Variants in ARFIP1 observed in about 807,000 individuals in gnomAD.
ARFIP1 encodes ARF interacting protein 1, also known as arfaptin-1.
ARFIP1 carries 24 observed loss-of-function variants against 42.5 expected under a neutral mutation model. The ratio of observed to expected loss-of-function variants is 0.57; its 90% CI spans 0.41 to 0.80. The LOEUF (loss-of-function observed/expected upper bound fraction) is 0.80. Among genes scored for constraint, ARFIP1 ranks in the 30% least tolerant of loss-of-function variants. ARFIP1 has a pLI of 0.00. For synonymous variants in ARFIP1, 141 were observed against 153.7 expected (o/e 0.92, Z 0.61); for missense variants, 354 against 434.0 (o/e 0.82, Z 1.64).
At position 152,866,135 on chromosome 4, in the gene ARFIP1, AT is replaced by A. The variant is rs780507391; in HGVS notation, c.202+2424del. Among the ~76,000 whole-genome samples the A allele has an allele frequency of 1.1e-3, 174 of 152,208 alleles. 1 individual carries two copies. The highest frequency in any genetic ancestry group is 1.8e-3 in the Non-Finnish European group (121 of 68,004). ...GCACATCTTGCACCGCCCTTAATCC[AT>A]TTAACCCTGAGTGGACACAGCACAT... is the stretch of plus-strand genomic sequence containing the variant. On this transcript the variant is annotated intron_variant, in intron 3 of 8. Transcript: ENST00000353617.
At chr4:152,810,235 G>T (rs1334888578) in intron 1 of ARFIP1, 1 of 152,186 alleles carries the variant, frequency 6.6e-6, no homozygotes, top group Non-Finnish European at 1.5e-5. Flanking sequence ...AAATAATTCA[G>T]TGGTGGCTAA....
At chr4:152,889,717 AAT>A (rs1229321099) in intron 8 of ARFIP1, among the ~76,000 whole-genome samples, 2 of 124,412 alleles carry the variant, frequency 1.6e-5, no homozygotes, top group Non-Finnish European at 3.2e-5. Flanking sequence ...TATATACACT[AAT>A]ATATACTATA....
At chr4:152,867,080 TTC>T (rs1734456376) in intron 3 of ARFIP1, among the ~76,000 whole-genome samples, 2 of 148,786 alleles carry the variant, frequency 1.3e-5, no homozygotes, top group African/African-American at 5.1e-5. Flanking sequence ...CGCTCCTCAC[TTC>T]CCAGACGGGG....
At chr4:152,844,076 G>C (rs887715320) in intron 2 of ARFIP1, among the ~76,000 whole-genome samples, 2 of 152,170 alleles carry the variant, frequency 1.3e-5, no homozygotes, top group African/African-American at 4.8e-5. Context: ...GGGACCCAGC[G>C]AGCTCCCAGG....
At chr4:152,794,469 T>C (rs1474303367) in intron 1 of ARFIP1, among the ~76,000 whole-genome samples, 1 of 152,158 alleles carries the variant, frequency 6.6e-6, no homozygotes, top group African/African-American at 2.4e-5. Flanking sequence ...GTGCATTGTA[T>C]TGAGGGGTTT....
chr4:152,867,775 C>T (rs1448725633), intron 3 of ARFIP1, among the ~76,000 whole-genome samples: 4 of 152,154 alleles, frequency 2.6e-5, no homozygotes, highest in Admixed American at 6.5e-5. Flanking sequence ...AAATATATTT[C>T]GTGATAATGG....
chr4:152,900,906 C>CG (rs1479686559), intron 8 of ARFIP1, among the ~76,000 whole-genome samples: 1 of 152,196 alleles, frequency 6.6e-6, no homozygotes, highest in African/African-American at 2.4e-5. Flanking sequence ...ATATAAACCC[C>CG]TATTTCATAG....
intron 8 of ARFIP1, among the ~76,000 whole-genome samples, chr4:152,891,139 A>G (rs1450455408): frequency 6.6e-6 from 1 of 152,116 alleles, no homozygotes; most frequent in Non-Finnish European, 1.5e-5. Context: ...TGAGGACTGT[A>G]CCTCCCAAAG....
chr4:152,810,744 A>G (rs1268137862), intron 1 of ARFIP1, among the ~76,000 whole-genome samples: 2 of 152,040 alleles, frequency 1.3e-5, no homozygotes, highest in Non-Finnish European at 2.9e-5. Flanking sequence ...TGAACCTGGG[A>G]GGCGGAGCTT....
intron 2 of ARFIP1, among the ~76,000 whole-genome samples, chr4:152,852,955 T>G (rs1733115657): frequency 6.6e-6 from 1 of 152,214 alleles, no homozygotes; most frequent in Non-Finnish European, 1.5e-5. Flanking sequence ...ATTTTACACC[T>G]GTTTTACCTA....
chr4:152,786,619 G>A (rs1050146100), intron 1 of ARFIP1, among the ~76,000 whole-genome samples: 1 of 152,094 alleles, frequency 6.6e-6, no homozygotes, highest in Non-Finnish European at 1.5e-5. Flanking sequence ...CCATCTTGAA[G>A]GCACAGTGAT....
intron 1 of ARFIP1, among the ~76,000 whole-genome samples, chr4:152,822,610 CATG>C (rs1379475171): frequency 6.6e-6 from 1 of 152,194 alleles, no homozygotes; most frequent in East Asian, 1.9e-4. Context: ...GCAGAATAAA[CATG>C]ATTCTCATCA....
rs994839432 is a variant in ARFIP1, at chr4:152,826,344, A to G, written c.-9-3281A>G. ...TGGATAGAACCAATAATGGTAGGCC[A>G]TTATTCTAAGTGAAACAACTCAGGA... On this transcript the variant is annotated intron_variant, in intron 1 of 8. Coordinates refer to ENST00000353617, the MANE Select transcript of ARFIP1 (RefSeq NM_001025595.3). Among the ~76,000 whole-genome samples the G allele has an allele frequency of 1.3e-5, 2 of 152,126 alleles. 1 individual carries two copies.
intron 1 of ARFIP1, among the ~76,000 whole-genome samples, chr4:152,794,949 C>T (rs1239114194): frequency 2.0e-5 from 3 of 152,030 alleles, no homozygotes; most frequent in African/African-American, 7.2e-5. Context: ...TTGAAGTTTT[C>T]TTTATTTTCT....
chr4:152,838,347 T>C (rs1731816596), intron 2 of ARFIP1, among the ~76,000 whole-genome samples: 1 of 152,186 alleles, frequency 6.6e-6, no homozygotes, highest in South Asian at 2.1e-4. Context: ...GCATTGACTT[T>C]GTAGATTGCT....
At chr4:152,851,165 A>G (rs1232012760) in intron 2 of ARFIP1, among the ~76,000 whole-genome samples, 1 of 152,232 alleles carries the variant, frequency 6.6e-6, no homozygotes. Context: ...CAAGAATACA[A>G]GTGGTGAACA....
intron 2 of ARFIP1, among the ~76,000 whole-genome samples, chr4:152,834,553 C>A (rs60013515): frequency 0.38 from 57,821 of 152,122 alleles, 12,061 homozygotes; most frequent in Admixed American, 0.5. Context: ...TGAAACCCAG[C>A]AGGGAAATCA....
At chr4:152,780,270 T>C (rs1730401643) in intron 1 of ARFIP1, 44 bp downstream of exon 1, 1 of 152,270 alleles carries the variant, frequency 6.6e-6, no homozygotes, top group Non-Finnish European at 1.5e-5. Context: ...GGGGGAAAGA[T>C]GGTTTGAGGT....
At chr4:152,889,438 A>C (rs904735141) in intron 8 of ARFIP1, among the ~76,000 whole-genome samples, 1 of 145,068 alleles carries the variant, frequency 6.9e-6, no homozygotes, top group East Asian at 2.0e-4. Flanking sequence ...ATTCAGACAG[A>C]GCCCAGTGCA....
Sources: allele counts gnomAD v4.1 joint callset (sites outside exome capture counted in the v4.1 genomes callset), GRCh38; gene constraint gnomAD v4.1.1; transcripts MANE v1.5; gene names NCBI Gene and HGNC (gene_info 2026-07-23, HGNC 2026-07-21).